The following DENND4A variants were observed in gnomAD, a reference collection of about 807,000 sequenced individuals.
DENND4A encodes the protein DENN domain containing 4A.
In DENND4A, 70 loss-of-function variants were observed where a neutral mutation model predicts 199.3. That is an observed-to-expected ratio of 0.35 (90% CI 0.29 to 0.43). DENND4A has a LOEUF of 0.43. Among genes scored for constraint, DENND4A ranks in the 20% least tolerant of loss-of-function variants. The pLI, the probability that DENND4A is intolerant of heterozygous loss-of-function variation, is 1.00. For missense variants in DENND4A, 1,723 were observed against 2,255.8 expected (o/e 0.76, Z 4.78); for synonymous variants, 686 against 766.9 (o/e 0.89, Z 1.74).
In DENND4A at chr15:65,715,500, A is replaced by G; in HGVS notation, c.1931T>C (p.Phe644Ser). The G allele has an allele frequency of 6.2e-7, 1 of 1,610,592 alleles. No individual in the cohort carries two copies. The highest frequency in any genetic ancestry group is 8.5e-7 in the Non-Finnish European group (1 of 1,179,206). Residue 644 changes from phenylalanine to serine, a missense_variant, in exon 14 of 33, where the codon TTT becomes TCT. Physicochemically the swap from Phe to Ser is radical, Grantham distance 155 (BLOSUM62 -2). Coordinates refer to ENST00000443035, the MANE Select transcript of DENND4A (RefSeq NM_001320835.1). Reference sequence around the variant, plus strand: ...TACTTTATCTACACAATCATCAAAAAATGCCAGGCTTGCATCTTTGTCACT... The same window carrying G: ...TACTTTATCTACACAATCATCAAAAGATGCCAGGCTTGCATCTTTGTCACT... ...FVSDKDASLA[F>S]FDDCVDKVDM...
intron 1 of DENND4A, among the ~76,000 whole-genome samples, chr15:65,782,788 A>AT (rs2077466761): frequency 6.6e-6 from 1 of 152,220 alleles, no homozygotes. Flanking sequence ...ATATTATTAC[A>AT]TATTTGTTTA....
At chr15:65,726,954 T>C (rs771654458) in intron 11 of DENND4A, among the ~76,000 whole-genome samples, 1 of 151,892 alleles carries the variant, frequency 6.6e-6, no homozygotes. Flanking sequence ...CGAGACATTG[T>C]CTCAAAAGAA....
intron 1 of DENND4A, among the ~76,000 whole-genome samples, chr15:65,773,122 T>C (rs1033482145): frequency 6.6e-6 from 1 of 151,764 alleles, no homozygotes; most frequent in Admixed American, 6.6e-5. Flanking sequence ...GAAAAGGATA[T>C]GGCATAACTT....
At chr15:65,724,391 T>C (rs1375221209) in intron 11 of DENND4A, among the ~76,000 whole-genome samples, 13 of 151,950 alleles carry the variant, frequency 8.6e-5, no homozygotes, top group African/African-American at 3.1e-4. Flanking sequence ...GTTTTTTTTT[T>C]TTTTTATTTC....
At chr15:65,741,813 T>C (rs1457129118) in intron 4 of DENND4A, 29 bp from the exon 5 acceptor site, 1 of 1,565,230 alleles carries the variant, frequency 6.4e-7, no homozygotes. Context: ...AAATATCATT[T>C]AATTTTTAAA....
chr15:65,725,586 A>G (rs1480048043), intron 11 of DENND4A, among the ~76,000 whole-genome samples: 3 of 151,910 alleles, frequency 2.0e-5, no homozygotes, highest in Non-Finnish European at 4.4e-5. Context: ...CTGAGGCAGG[A>G]GAATGGCAAG....
intron 4 of DENND4A, among the ~76,000 whole-genome samples, chr15:65,743,129 G>A (rs564083390): frequency 1.5e-4 from 23 of 151,888 alleles, no homozygotes; most frequent in Non-Finnish European, 2.9e-4. Context: ...TTTGCTTCCC[G>A]CCACAGTCTA....
chr15:65,779,023 G>A (rs1011766146), intron 1 of DENND4A, among the ~76,000 whole-genome samples: 1 of 152,114 alleles, frequency 6.6e-6, no homozygotes, highest in Non-Finnish European at 1.5e-5. Context: ...CAGCCACTCA[G>A]AAGGCAGAGA....
intron 23 of DENND4A, among the ~76,000 whole-genome samples, chr15:65,686,927 T>C (rs562855250): frequency 2.6e-5 from 4 of 152,038 alleles, no homozygotes; most frequent in African/African-American, 9.6e-5. Flanking sequence ...GGTTTCAAAC[T>C]CCTGGCTTCA....
intron 4 of DENND4A, among the ~76,000 whole-genome samples, chr15:65,743,592 T>A (rs780437682): frequency 6.6e-6 from 1 of 152,230 alleles, no homozygotes; most frequent in Non-Finnish European, 1.5e-5. Context: ...CATACTATAC[T>A]TTAAAAGTTA....
At chr15:65,791,467 C>G (rs866226818) in intron 1 of DENND4A, among the ~76,000 whole-genome samples, 7 of 142,516 alleles carry the variant, frequency 4.9e-5, no homozygotes, top group South Asian at 2.5e-4. Flanking sequence ...ACACACCCCC[C>G]CAAAAAGACT....
chr15:65,706,536 C>T (rs1050617537), intron 14 of DENND4A, among the ~76,000 whole-genome samples: 4 of 151,066 alleles, frequency 2.6e-5, no homozygotes, highest in Non-Finnish European at 4.4e-5. Flanking sequence ...CTTGCTCTAT[C>T]GCCAGGATGG....
At chr15:65,685,677 C>T (rs1185955009) in intron 23 of DENND4A, among the ~76,000 whole-genome samples, 1 of 151,980 alleles carries the variant, frequency 6.6e-6, no homozygotes, top group Non-Finnish European at 1.5e-5. Flanking sequence ...GTAATATTTT[C>T]AATCTGTGGT....
intron 4 of DENND4A, among the ~76,000 whole-genome samples, chr15:65,749,488 C>T (rs759585030): frequency 3.9e-5 from 6 of 152,116 alleles, no homozygotes; most frequent in South Asian, 4.2e-4. Context: ...TAAGTATGTT[C>T]GTAACAGCTT....
intron 23 of DENND4A, 29 bp downstream of exon 23, chr15:65,690,386 T>TA: frequency 6.5e-7 from 1 of 1,531,040 alleles, no homozygotes; most frequent in African/African-American, 1.4e-5. Flanking sequence ...TGTGTGACAG[T>TA]AAAAGTAGCA....
At chr15:65,785,701 G>T (rs995147879) in intron 1 of DENND4A, among the ~76,000 whole-genome samples, 2 of 151,812 alleles carry the variant, frequency 1.3e-5, no homozygotes, top group Admixed American at 6.6e-5. Flanking sequence ...TTATCACATT[G>T]AATTCTGAAA....
chr15:65,697,277 A>G lies in DENND4A; in HGVS notation c.2940T>C (p.Asp980=), dbSNP rs1475293601. The G allele has an allele frequency of 2.5e-6, 4 of 1,576,764 alleles. No individual in the cohort carries two copies. The highest frequency in any genetic ancestry group is 3.5e-6 in the Non-Finnish European group (4 of 1,151,932). Residue 980 remains aspartate (D), a synonymous_variant, in exon 21 of 33, where the codon GAT becomes GAC. Transcript: ENST00000443035. ...IQEEKDKKGS[D]CSSLSESEST... is the part of the protein sequence containing the mutation. ...TTAAACAATACCTACAGGAACTACA[A>G]TCACTCCCTTTTTTATCTTTTTCTT...
At chr15:65,790,789 C>T (rs1044175768) in intron 1 of DENND4A, among the ~76,000 whole-genome samples, 2 of 152,136 alleles carry the variant, frequency 1.3e-5, no homozygotes, top group Non-Finnish European at 2.9e-5. Context: ...CCCAGAACCG[C>T]TATCAACATA....
At chr15:65,763,013 T>G (rs574907666) in intron 1 of DENND4A, among the ~76,000 whole-genome samples, 20 of 152,318 alleles carry the variant, frequency 1.3e-4, no homozygotes, top group African/African-American at 4.8e-4. Context: ...TTTTTTTAAA[T>G]TAAGTAATTT....
Sources: allele counts gnomAD v4.1 joint callset (sites outside exome capture counted in the v4.1 genomes callset), GRCh38; gene constraint gnomAD v4.1.1; transcripts MANE v1.5; gene names NCBI Gene and HGNC (gene_info 2026-07-23, HGNC 2026-07-21).